The following CMSS1 variants were observed in gnomAD, a reference collection of about 807,000 sequenced individuals.
CMSS1 encodes cms1 ribosomal small subunit homolog.
Under a neutral mutation model 43.5 loss-of-function variants are expected in CMSS1, and 33 were observed. The observed-to-expected ratio is 0.76, with a 90% CI of 0.57 to 1.01. The LOEUF is 1.01. Ranked by LOEUF, CMSS1 falls within the 50% of genes least tolerant of loss-of-function variation. The probability of loss-of-function intolerance (pLI) is 0.00; values close to 1 mark genes in which losing one functional copy is unlikely to be tolerated. For synonymous variants in CMSS1, 115 were observed against 117.2 expected, an observed-to-expected ratio of 0.98 and a Z score of 0.12; for missense variants, 313 against 326.4, an observed-to-expected ratio of 0.96 and a Z score of 0.32.
intron 1 of CMSS1, among the ~76,000 whole-genome samples, chr3:100,074,994 T>C (rs1239699794): frequency 6.6e-6 from 1 of 152,122 alleles, no homozygotes; most frequent in African/African-American, 2.4e-5. Context: ...ATGCCCGGCC[T>C]GATTTTCTTT....
chr3:99,872,912 C>T (rs1350573709), intron 1 of CMSS1, among the ~76,000 whole-genome samples: 1 of 151,448 alleles, frequency 6.6e-6, no homozygotes, highest in Non-Finnish European at 1.5e-5. Flanking sequence ...AGGAGAATCT[C>T]AAGTCTTTTT....
intron 1 of CMSS1, among the ~76,000 whole-genome samples, chr3:99,997,239 G>T (rs1006449619): frequency 6.6e-6 from 1 of 151,932 alleles, no homozygotes; most frequent in Non-Finnish European, 1.5e-5. Flanking sequence ...CCAAGAAGAA[G>T]GTCCAAATAA....
chr3:99,826,074 G>A (rs1942531540), intron 1 of CMSS1, among the ~76,000 whole-genome samples: 1 of 152,034 alleles, frequency 6.6e-6, no homozygotes, highest in African/African-American at 2.4e-5. Context: ...ACGGAGCCCG[G>A]CCCAGCACAA....
At chr3:99,980,543 G>A (rs941855223) in intron 1 of CMSS1, among the ~76,000 whole-genome samples, 4 of 152,072 alleles carry the variant, frequency 2.6e-5, no homozygotes, top group African/African-American at 9.7e-5. Flanking sequence ...ATTCAGTTCA[G>A]GTTTTATCCA....
At chr3:100,177,271 G>C (rs2067155173) in intron 9 of CMSS1, among the ~76,000 whole-genome samples, 1 of 152,186 alleles carries the variant, frequency 6.6e-6, no homozygotes, top group Non-Finnish European at 1.5e-5. Flanking sequence ...AATTTGCTCA[G>C]TTACACACAC....
At chr3:100,066,295 A>C (rs1027645265) in intron 1 of CMSS1, among the ~76,000 whole-genome samples, 1 of 152,196 alleles carries the variant, frequency 6.6e-6, no homozygotes, top group Non-Finnish European at 1.5e-5. Flanking sequence ...CTCATTTATA[A>C]AACCTCTTAC....
intron 1 of CMSS1, among the ~76,000 whole-genome samples, chr3:100,077,466 C>T (rs539759359): frequency 1.3e-5 from 2 of 152,080 alleles, no homozygotes; most frequent in Admixed American, 1.3e-4. Flanking sequence ...TTTTATAGCA[C>T]AAAAAGTTAA....
chr3:99,842,014 A>G (rs577515107), intron 1 of CMSS1, among the ~76,000 whole-genome samples: 1 of 152,208 alleles, frequency 6.6e-6, no homozygotes, highest in Non-Finnish European at 1.5e-5. Flanking sequence ...TCATTATATG[A>G]AAAAGATACT....
chr3:99,818,406 C>T (rs1942364959), intron 1 of CMSS1, among the ~76,000 whole-genome samples: 1 of 152,180 alleles, frequency 6.6e-6, no homozygotes, highest in African/African-American at 2.4e-5. Flanking sequence ...GGGGTTGCTG[C>T]TTCAGACTCC....
At chr3:100,018,926 CAAG>C (rs1430436882) in intron 1 of CMSS1, among the ~76,000 whole-genome samples, 1 of 151,854 alleles carries the variant, frequency 6.6e-6, no homozygotes, top group Non-Finnish European at 1.5e-5. Context: ...GATAAATAGC[CAAG>C]AGGTATATAA....
chr3:100,114,874 A>G, intron 1 of CMSS1: 1 of 1,106,266 alleles, frequency 9.0e-7, no homozygotes, highest in Non-Finnish European at 1.3e-6. Flanking sequence ...GGCACTGTAA[A>G]CATTCGCTAT....
intron 1 of CMSS1, among the ~76,000 whole-genome samples, chr3:99,901,114 G>A (rs926124666): frequency 4.6e-5 from 7 of 152,184 alleles, no homozygotes; most frequent in African/African-American, 1.7e-4. Context: ...CTTTTAACTT[G>A]TTATTTAATA....
intron 1 of CMSS1, among the ~76,000 whole-genome samples, chr3:99,914,145 A>T (rs1418288606): frequency 6.6e-6 from 1 of 152,276 alleles, no homozygotes; most frequent in Non-Finnish European, 1.5e-5. Context: ...ATGTAGGGCC[A>T]GTACTGAGTG....
intron 1 of CMSS1, among the ~76,000 whole-genome samples, chr3:99,984,132 T>C (rs1176892827): frequency 6.6e-6 from 1 of 151,914 alleles, no homozygotes; most frequent in Non-Finnish European, 1.5e-5. Flanking sequence ...AATTGATCCA[T>C]AGTTCTGGAA....
intron 1 of CMSS1, among the ~76,000 whole-genome samples, chr3:100,074,674 G>GGTTTTTTTT (rs1559748772): frequency 4.0e-5 from 1 of 25,112 alleles, no homozygotes; most frequent in Non-Finnish European, 8.2e-5. Flanking sequence ...TGCAACATTT[G>GGTTTTTTTT]ATTTTTTTTT....
At chr3:100,135,438 A>ATG (rs71132511) in intron 1 of CMSS1, among the ~76,000 whole-genome samples, 16,560 of 120,562 alleles carry the variant, frequency 0.14, 998 homozygotes, top group Middle Eastern at 0.23. Context: ...GTGTGTGTGC[A>ATG]TGTGTGTGTG....
In CMSS1 at chr3:100,146,983, T is replaced by C. The variant is rs1559771026; in HGVS notation, c.75T>C (p.Asp25=). ...TGAGSSPEAS[D]GEGEGDTEVM... ...CTTTATATTTTCTAGAAGCATCAGA[T>C]GGTGAAGGAGAAGGAGACACAGAAG... The change falls in exon 2 of 10, where the codon GAT becomes GAC. Residue 25 remains aspartate, a synonymous_variant. Coordinates refer to ENST00000421999, the MANE Select transcript of CMSS1 (RefSeq NM_032359.4). 1.9e-6 allele frequency: 3 copies of C among 1,613,578 alleles called. No homozygotes were observed. The highest frequency in any genetic ancestry group is 3.3e-5 in the Admixed American group (2 of 59,980).
rs1392685507 is a variant in CMSS1 at position 100,037,959 on chromosome 3, G to GA, written c.65-109014_65-109013insA. On this transcript the variant is annotated intron_variant, in intron 1 of 9. Transcript: ENST00000421999. The stretch of plus-strand genomic sequence containing the variant: ...CTTTTCTTTTTTTTTTTTTTTTTGG[G>GA]GGGGGAGGGAACAGAGTCTCAAATC... Among the ~76,000 whole-genome samples the GA allele has an allele frequency of 6.4e-3, 589 of 92,410 alleles. 1 individual carries two copies. Among genetic ancestry groups the GA allele is most frequent in the Non-Finnish European group, 8.2e-3 (358 of 43,882 alleles). The allele number at this position is 92,410 out of a possible 152,430, so 60.6% of individuals were successfully genotyped here.
chr3:99,876,083 G>A, intron 1 of CMSS1: 1 of 986,490 alleles, frequency 1.0e-6, no homozygotes, highest in South Asian at 4.6e-5. Context: ...TGAACTGCCT[G>A]CGCCGGGGCC....
Sources: gnomAD v4.1 joint callset for allele counts (sites outside exome capture counted in the v4.1 genomes callset) on GRCh38, gnomAD v4.1.1 for gene constraint, MANE v1.5 for transcripts, NCBI Gene and HGNC (gene_info 2026-07-23, HGNC 2026-07-21) for gene names.